CDH18: variants seen among roughly 807,000 people sequenced by gnomAD.
CDH18 encodes the protein cadherin-18.
CDH18 carries 31 observed loss-of-function variants against 67.9 expected under a neutral mutation model. That is an observed-to-expected ratio of 0.46 (90% CI 0.34 to 0.62). The LOEUF (loss-of-function observed/expected upper bound fraction) is 0.62. Among genes scored for constraint, CDH18 ranks in the 20% least tolerant of loss-of-function variants. CDH18 has a pLI of 0.01. For synonymous variants in CDH18, 362 were observed against 347.2 expected, an observed-to-expected ratio of 1.04 and a Z score of -0.48; for missense variants, 890 against 975.5, an observed-to-expected ratio of 0.91 and a Z score of 1.17.
intron 1 of CDH18, among the ~76,000 whole-genome samples, chr5:20,428,353 C>G (rs988736122): frequency 6.2e-5 from 9 of 144,548 alleles, no homozygotes; most frequent in Admixed American, 3.3e-4. Flanking sequence ...CATTGATGGG[C>G]ATTTGGGTTA....
At chr5:20,233,735 T>C (rs1307139075) in intron 2 of CDH18, among the ~76,000 whole-genome samples, 2 of 152,156 alleles carry the variant, frequency 1.3e-5, no homozygotes, top group African/African-American at 4.8e-5. Context: ...ATCATATCTG[T>C]TGGTATTTCA....
At chr5:20,072,202 T>C (rs1383109305) in intron 2 of CDH18, among the ~76,000 whole-genome samples, 4 of 152,024 alleles carry the variant, frequency 2.6e-5, no homozygotes, top group Non-Finnish European at 5.9e-5. Context: ...TAACTAAAAA[T>C]TGAGTTGAGA....
chr5:19,742,969 A>T (rs937774986), intron 4 of CDH18, among the ~76,000 whole-genome samples: 4 of 152,200 alleles, frequency 2.6e-5, no homozygotes, highest in Non-Finnish European at 4.4e-5. Context: ...GATTTTTATT[A>T]CATATTTAGA....
intron 1 of CDH18, among the ~76,000 whole-genome samples, chr5:20,494,922 G>T (rs1561062750): frequency 6.6e-6 from 1 of 152,054 alleles, no homozygotes; most frequent in East Asian, 1.9e-4. Context: ...GAGCATTCGG[G>T]GATAGAATGA....
At chr5:20,156,154 C>T (rs568241958) in intron 2 of CDH18, among the ~76,000 whole-genome samples, 1 of 152,172 alleles carries the variant, frequency 6.6e-6, no homozygotes, top group Non-Finnish European at 1.5e-5. Context: ...TTAGTACATC[C>T]TCTAAGGAAA....
At chr5:20,106,501 C>A (rs1340094113) in intron 2 of CDH18, among the ~76,000 whole-genome samples, 1 of 152,116 alleles carries the variant, frequency 6.6e-6, no homozygotes, top group African/African-American at 2.4e-5. Flanking sequence ...TTAAAATTTT[C>A]CTCATCTGTT....
intron 1 of CDH18, among the ~76,000 whole-genome samples, chr5:20,371,474 C>T (rs1052341173): frequency 6.6e-6 from 1 of 152,052 alleles, no homozygotes; most frequent in Admixed American, 6.5e-5. Context: ...TGGAACATGA[C>T]AAGAGTATGC....
chr5:20,259,880 A>G (rs1406171917), intron 1 of CDH18, among the ~76,000 whole-genome samples: 3 of 152,054 alleles, frequency 2.0e-5, no homozygotes, highest in Admixed American at 6.5e-5. Flanking sequence ...AAGGGTAGAC[A>G]TGAATAGAAG....
intron 1 of CDH18, among the ~76,000 whole-genome samples, chr5:20,463,887 T>A (rs1479518386): frequency 6.6e-6 from 1 of 152,090 alleles, no homozygotes; most frequent in East Asian, 1.9e-4. Flanking sequence ...AGAATATGTC[T>A]TATTACATAA....
intron 2 of CDH18, among the ~76,000 whole-genome samples, chr5:20,249,282 G>A (rs904165694): frequency 6.6e-6 from 1 of 151,588 alleles, no homozygotes; most frequent in African/African-American, 2.4e-5. Context: ...ATTATGTACT[G>A]ACATTCATTT....
At chr5:20,302,446 A>G (rs935835522) in intron 1 of CDH18, among the ~76,000 whole-genome samples, 1 of 152,112 alleles carries the variant, frequency 6.6e-6, no homozygotes, top group African/African-American at 2.4e-5. Flanking sequence ...TACTATCGCT[A>G]TGTCTGACAG....
chr5:19,866,955 T>C (rs1357050322), intron 2 of CDH18, among the ~76,000 whole-genome samples: 1 of 152,090 alleles, frequency 6.6e-6, no homozygotes, highest in East Asian at 1.9e-4. Context: ...CCAGGTGTGG[T>C]GGTGGGCACC....
intron 2 of CDH18, among the ~76,000 whole-genome samples, chr5:19,885,683 C>G (rs1561505948): frequency 1.3e-5 from 2 of 152,124 alleles, no homozygotes; most frequent in Non-Finnish European, 2.9e-5. Flanking sequence ...GTTTCAGCCT[C>G]CTGAGCAAGC....
intron 2 of CDH18, among the ~76,000 whole-genome samples, chr5:20,208,059 T>C (rs1311825479): frequency 6.6e-6 from 1 of 152,118 alleles, no homozygotes; most frequent in African/African-American, 2.4e-5. Context: ...ACTGTATTAG[T>C]GTATGACACT....
At chr5:20,158,535 C>T (rs1751732045) in intron 2 of CDH18, 1 of 152,242 alleles carries the variant, frequency 6.6e-6, no homozygotes, top group Admixed American at 6.6e-5. Context: ...TTTTTCATCC[C>T]TAACTCATAC....
intron 8 of CDH18, among the ~76,000 whole-genome samples, chr5:19,560,246 T>C (rs1739216126): frequency 6.6e-6 from 1 of 151,998 alleles, no homozygotes; most frequent in Non-Finnish European, 1.5e-5. Context: ...AGGCATCACA[T>C]TACCTGACTT....
At chr5:19,996,062 T>G (rs2150394324) in intron 2 of CDH18, among the ~76,000 whole-genome samples, 1 of 152,252 alleles carries the variant, frequency 6.6e-6, no homozygotes, top group South Asian at 2.1e-4. Flanking sequence ...AAAAGGGTTA[T>G]TTTATTAATA....
chr5:19,756,730 G>A (rs1215432761), intron 3 of CDH18, among the ~76,000 whole-genome samples: 1 of 152,314 alleles, frequency 6.6e-6, no homozygotes, highest in Non-Finnish European at 1.5e-5. Context: ...TTGTTGCTAT[G>A]TCTCCTGGTG....
chr5:19,493,261 C>A (rs772222598), intron 11 of CDH18, among the ~76,000 whole-genome samples: 1 of 152,168 alleles, frequency 6.6e-6, no homozygotes, highest in Non-Finnish European at 1.5e-5. Context: ...CCCAACTAGA[C>A]AGCAAGCCCC....
Sources: gnomAD v4.1 joint callset for allele counts (sites outside exome capture counted in the v4.1 genomes callset) on GRCh38, gnomAD v4.1.1 for gene constraint, MANE v1.5 for transcripts, NCBI Gene and HGNC (gene_info 2026-07-23, HGNC 2026-07-21) for gene names.